B3GNT3: variants seen among roughly 807,000 people sequenced by gnomAD.
The protein encoded by B3GNT3 is N-acetyllactosaminide beta-1,3-N-acetylglucosaminyltransferase 3.
In B3GNT3, 7 loss-of-function variants were observed where a neutral mutation model predicts 11.6. The ratio of observed to expected loss-of-function variants is 0.60; its 90% CI spans 0.34 to 1.13. The LOEUF is 1.13. Ranked by LOEUF, B3GNT3 falls within the 50% of genes most tolerant of loss-of-function variation. B3GNT3 has a pLI of 0.03. For synonymous variants in B3GNT3, 201 were observed against 222.1 expected (o/e 0.90, Z 0.85); for missense variants, 400 against 507.4 (o/e 0.79, Z 2.03).
At chr19:17,806,914 T>C (rs1190887178) in intron 1 of B3GNT3, among the ~76,000 whole-genome samples, 1 of 146,096 alleles carries the variant, frequency 6.8e-6, no homozygotes, top group African/African-American at 2.6e-5. Flanking sequence ...ATTGTGCCAC[T>C]GTATTCCAGC....
rs2094177169 is a variant in B3GNT3, at chr19:17,808,880, CCCAGCCT to C, written c.567+507_567+513del. The stretch of plus-strand genomic sequence containing the variant: ...TTTTTAATGGAGTCTTGCTCTGTTG[CCCAGCCT>C]GGAGTGCAGTGGTGCGATCTGGGCT... On this transcript the variant is annotated intron_variant, in intron 2 of 2. Transcript: ENST00000318683. 6.6e-5 allele frequency among the ~76,000 whole-genome samples: 10 copies of C among 151,964 alleles called. 1 individual carries two copies. The highest frequency in any genetic ancestry group is 2.6e-4 in the Admixed American group (4 of 15,234).
Position 17,807,963 on chromosome 19 carries a change from A to AACCCCCC in B3GNT3, c.156_157insACCCCCC (p.Pro53ThrfsTer52). On this transcript the variant is annotated frameshift_variant, in exon 2 of 3. Transcript: ENST00000318683. LOFTEE classifies it high-confidence loss of function. ...CCGAGGCCCTGGCCTGGCCCACTCC[A>AACCCCCC]CCCACCCGCCCAGCCCCGGCCCCGT... 2.9e-5 allele frequency: 36 copies of AACCCCCC among 1,223,134 alleles called. No individual in the cohort carries two copies. The highest frequency in any genetic ancestry group is 3.7e-5 in the Non-Finnish European group (32 of 866,330). The allele number at this position is 1,223,134 out of a possible 1,614,324, so 75.8% of individuals were successfully genotyped here. A position where few individuals can be genotyped will look rare whatever the true frequency, so the allele number is the denominator to read the frequency against.
At chr19:17,795,377 C>A (rs749859089) in intron 1 of B3GNT3, among the ~76,000 whole-genome samples, 171 bp downstream of exon 1, 2 of 152,198 alleles carry the variant, frequency 1.3e-5, no homozygotes, top group African/African-American at 2.4e-5. Context: ...CTCACCCATC[C>A]GTAATTGTCT....
In B3GNT3 at chr19:17,807,960, T is replaced by TCCGGGCCCC; in HGVS notation, c.155_156insGGGCCCCCC (p.Pro52_Pro53insGlyProPro). ...TCCCCGAGGCCCTGGCCTGGCCCAC[T>TCCGGGCCCC]CCACCCACCCGCCCAGCCCCGGCCC... On this transcript the variant is annotated inframe_insertion, in exon 2 of 3. Transcript: ENST00000318683. 5 of 1,609,530 alleles carry TCCGGGCCCC rather than the reference T, an allele frequency of 3.1e-6. No homozygotes were observed. Among genetic ancestry groups the TCCGGGCCCC allele is most frequent in the Non-Finnish European group, 4.2e-6 (5 of 1,178,114 alleles).
intron 1 of B3GNT3, 159 bp from the exon 2 acceptor site, chr19:17,807,599 G>A (rs1005901873): frequency 5.6e-6 from 3 of 532,432 alleles, no homozygotes; most frequent in Non-Finnish European, 6.6e-6. Flanking sequence ...GGGTTGGAGT[G>A]CTTTGAAATG....
intron 1 of B3GNT3, among the ~76,000 whole-genome samples, chr19:17,807,010 G>C (rs2094173874): frequency 6.6e-6 from 1 of 151,630 alleles, no homozygotes; most frequent in Admixed American, 6.6e-5. Flanking sequence ...GGAATAGCTG[G>C]GGAATCAAGG....
intron 1 of B3GNT3, among the ~76,000 whole-genome samples, chr19:17,807,322 T>G (rs2094174353): frequency 6.6e-6 from 1 of 151,482 alleles, no homozygotes; most frequent in African/African-American, 2.4e-5. Flanking sequence ...AAACCCCGTC[T>G]CTACTAAAAA....
At chr19:17,803,853 T>TAAAA (rs11318875) in intron 1 of B3GNT3, among the ~76,000 whole-genome samples, 1 of 140,462 alleles carries the variant, frequency 7.1e-6, no homozygotes, top group African/African-American at 2.6e-5. Flanking sequence ...ATCCTATCAC[T>TAAAA]AAAAAAAAAA....
chr19:17,804,240 C>CTTTTTTTTTTTTTTTT (rs773524591), intron 1 of B3GNT3, among the ~76,000 whole-genome samples: 3 of 112,188 alleles, frequency 2.7e-5, no homozygotes, highest in Admixed American at 9.5e-5. Context: ...TCTTTTTTTT[C>CTTTTTTTTTTTTTTTT]TTTTTTTTTT....
At chr19:17,801,372 T>C (rs192572311) in intron 1 of B3GNT3, among the ~76,000 whole-genome samples, 3 of 151,664 alleles carry the variant, frequency 2.0e-5, no homozygotes, top group Non-Finnish European at 2.9e-5. Flanking sequence ...TTTGTATTTT[T>C]TGTAGAGATG....
At position 17,808,317 on chromosome 19, in the gene B3GNT3, C is replaced by T. The variant is rs1375806817; in HGVS notation, c.510C>T (p.His170=). The T allele has an allele frequency of 6.8e-6, 11 of 1,612,776 alleles. No individual in the cohort carries two copies. Among genetic ancestry groups the T allele is most frequent in the Admixed American group, 1.7e-5 (1 of 59,964 alleles). The change falls in exon 2 of 3, where the codon CAC becomes CAT. Residue 170 remains histidine, a synonymous_variant. Coordinates refer to ENST00000318683, the MANE Select transcript of B3GNT3 (RefSeq NM_014256.4). ...NRLLELEAQT[H]GDILQWDFHD... is the part of the protein sequence containing the mutation. ...TGCTGGAGCTGGAGGCACAGACTCA[C>T]GGAGACATCCTGCAGTGGGACTTCC...
intron 1 of B3GNT3, among the ~76,000 whole-genome samples, chr19:17,804,647 C>T (rs1158611342): frequency 7.0e-6 from 1 of 142,842 alleles, no homozygotes; most frequent in African/African-American, 2.6e-5. Flanking sequence ...AAGCGATTTT[C>T]CTTCCTCAGC....
intron 1 of B3GNT3, among the ~76,000 whole-genome samples, chr19:17,800,177 C>A (rs921209484): frequency 6.6e-6 from 1 of 152,088 alleles, no homozygotes; most frequent in Admixed American, 6.6e-5. Flanking sequence ...GAGTTCGAGA[C>A]CAGCCTGGCC....
At chr19:17,802,742 A>G (rs901093846) in intron 1 of B3GNT3, among the ~76,000 whole-genome samples, 2 of 151,696 alleles carry the variant, frequency 1.3e-5, no homozygotes, top group African/African-American at 4.8e-5. Context: ...TGGAAGTGTG[A>G]TCACAGCTCC....
At chr19:17,802,160 T>G (rs997267916) in intron 1 of B3GNT3, among the ~76,000 whole-genome samples, 1 of 151,510 alleles carries the variant, frequency 6.6e-6, no homozygotes, top group African/African-American at 2.4e-5. Context: ...GCACCTAAGC[T>G]CAAGTGATCC....
chr19:17,802,344 T>C (rs938088603), intron 1 of B3GNT3, among the ~76,000 whole-genome samples: 1 of 152,100 alleles, frequency 6.6e-6, no homozygotes, highest in Non-Finnish European at 1.5e-5. Flanking sequence ...TGCAGTGAGA[T>C]AGGAGGTGAT....
chr19:17,806,963 AAG>A (rs2094173773), intron 1 of B3GNT3, among the ~76,000 whole-genome samples: 1 of 150,752 alleles, frequency 6.6e-6, no homozygotes, highest in Admixed American at 6.6e-5. Flanking sequence ...AAAAAAAAAA[AAG>A]TCCTGGGTTC....
chr19:17,804,979 T>G (rs1037625475), intron 1 of B3GNT3, among the ~76,000 whole-genome samples: 1 of 152,138 alleles, frequency 6.6e-6, no homozygotes, highest in South Asian at 2.1e-4. Flanking sequence ...CCTGAGTAGC[T>G]GGGACTACAG....
intron 1 of B3GNT3, among the ~76,000 whole-genome samples, chr19:17,803,133 G>A (rs893579338): frequency 2.0e-5 from 3 of 152,100 alleles, no homozygotes; most frequent in Non-Finnish European, 2.9e-5. Context: ...AGCCTCCTGA[G>A]TAGCTGGGAT....
Sources: allele counts gnomAD v4.1 joint callset (sites outside exome capture counted in the v4.1 genomes callset), GRCh38; gene constraint gnomAD v4.1.1; transcripts MANE v1.5; gene names NCBI Gene and HGNC (gene_info 2026-07-23, HGNC 2026-07-21).